Variants in CDH4 observed in about 807,000 individuals in gnomAD.
CDH4 encodes the protein cadherin 4, also known as cadherin-4.
CDH4 carries 33 observed loss-of-function variants against 86.0 expected under a neutral mutation model. The observed-to-expected ratio is 0.38, with a 90% confidence interval of 0.29 to 0.51. CDH4 has a LOEUF of 0.51. Ranked by LOEUF, CDH4 falls within the 20% of genes least tolerant of loss-of-function variation. The pLI, the probability that CDH4 is intolerant of heterozygous loss-of-function variation, is 0.86. For missense variants in CDH4, 1,114 were observed against 1,307.4 expected (o/e 0.85, Z 2.28); for synonymous variants, 555 against 549.4 (o/e 1.01, Z -0.14).
intron 2 of CDH4, among the ~76,000 whole-genome samples, chr20:61,520,460 C>T (rs2085860335): frequency 6.6e-6 from 1 of 152,168 alleles, no homozygotes; most frequent in Admixed American, 6.5e-5. Context: ...AGAGATAACC[C>T]CGATGCCTTC....
At chr20:61,934,639 T>A (rs4925317) in intron 15 of CDH4, among the ~76,000 whole-genome samples, 4 of 152,052 alleles carry the variant, frequency 2.6e-5, no homozygotes, top group Non-Finnish European at 5.9e-5. Flanking sequence ...CCGCTGTGAA[T>A]GGCCTTCCCG....
At chr20:61,549,570 C>T (rs900685689) in intron 2 of CDH4, among the ~76,000 whole-genome samples, 12 of 152,316 alleles carry the variant, frequency 7.9e-5, no homozygotes, top group East Asian at 1.9e-4. Context: ...AGATGCTCCT[C>T]GTGTGTTCCG....
At chr20:61,363,488 A>G (rs2084795450) in intron 2 of CDH4, among the ~76,000 whole-genome samples, 1 of 150,666 alleles carries the variant, frequency 6.6e-6, no homozygotes, top group Non-Finnish European at 1.5e-5. Flanking sequence ...AAGAAGTCCT[A>G]CACACACACA....
intron 2 of CDH4, among the ~76,000 whole-genome samples, chr20:61,339,300 G>A (rs543816902): frequency 1.3e-5 from 2 of 152,264 alleles, no homozygotes; most frequent in African/African-American, 4.8e-5. Flanking sequence ...AAGACAATGA[G>A]CAAACAGGTC....
chr20:61,789,199 A>T (rs904608232), intron 4 of CDH4, among the ~76,000 whole-genome samples: 2 of 152,200 alleles, frequency 1.3e-5, no homozygotes, highest in Admixed American at 6.5e-5. Context: ...GAGATGGCCT[A>T]CGGATGCATC....
At chr20:61,545,342 A>G (rs2086069974) in intron 2 of CDH4, among the ~76,000 whole-genome samples, 1 of 152,212 alleles carries the variant, frequency 6.6e-6, no homozygotes. Flanking sequence ...TTAACATTTC[A>G]CAATTCTGCC....
chr20:61,933,235 A>G, intron 14 of CDH4, 111 bp downstream of exon 14: 1 of 1,375,384 alleles, frequency 7.3e-7, no homozygotes, highest in South Asian at 1.3e-5. Context: ...CAACCTTTTC[A>G]CCAGTGAAGG....
chr20:61,573,787 C>A (rs1171718757), intron 2 of CDH4, among the ~76,000 whole-genome samples: 1 of 152,212 alleles, frequency 6.6e-6, no homozygotes, highest in Non-Finnish European at 1.5e-5. Flanking sequence ...ATGGCAGCTA[C>A]GGCTGTGTAT....
chr20:61,457,049 T>G (rs2085410558), intron 2 of CDH4, among the ~76,000 whole-genome samples: 1 of 152,176 alleles, frequency 6.6e-6, no homozygotes, highest in Non-Finnish European at 1.5e-5. Context: ...AGCGTGAATT[T>G]TCCTTAAAAG....
chr20:61,488,376 C>T (rs760789073), intron 2 of CDH4, among the ~76,000 whole-genome samples: 33 of 152,148 alleles, frequency 2.2e-4, no homozygotes, highest in Non-Finnish European at 4.3e-4. Context: ...ATTTGTTCAG[C>T]GCCTCTGTAA....
intron 2 of CDH4, among the ~76,000 whole-genome samples, chr20:61,263,695 A>G (rs556344764): frequency 6.6e-6 from 1 of 152,272 alleles, no homozygotes; most frequent in East Asian, 1.9e-4. Context: ...AAACAACACA[A>G]AGTTATTATC....
At chr20:61,898,184 G>A (rs953286199) in intron 8 of CDH4, among the ~76,000 whole-genome samples, 1 of 152,240 alleles carries the variant, frequency 6.6e-6, no homozygotes, top group Non-Finnish European at 1.5e-5. Flanking sequence ...GGGGCCAGCA[G>A]GATGGCGAAG....
intron 2 of CDH4, among the ~76,000 whole-genome samples, chr20:61,378,885 G>A (rs1314625554): frequency 6.6e-6 from 1 of 152,152 alleles, no homozygotes; most frequent in East Asian, 1.9e-4. Flanking sequence ...TTAACTGTAG[G>A]ATGATGTCAT....
chr20:61,396,135 A>G (rs77806907), intron 2 of CDH4, among the ~76,000 whole-genome samples: 6,916 of 152,268 alleles, frequency 0.045, 234 homozygotes, highest in Non-Finnish European at 0.067. Flanking sequence ...AGCGTCGAGT[A>G]GTTGCTGCAG....
chr20:61,633,349 TCATC>T (rs2086914082), intron 2 of CDH4, among the ~76,000 whole-genome samples: 1 of 151,548 alleles, frequency 6.6e-6, no homozygotes, highest in Admixed American at 6.6e-5. Flanking sequence ...CTTCATTCAT[TCATC>T]CATCCATCTA....
intron 2 of CDH4, among the ~76,000 whole-genome samples, chr20:61,728,078 A>G (rs2088136427): frequency 6.6e-6 from 1 of 152,220 alleles, no homozygotes. Context: ...AGATTTAGCC[A>G]GGGCCTGAGC....
At chr20:61,776,265 TGGCTGAGAGAGCAGCC>T (rs2088842279) in intron 4 of CDH4, among the ~76,000 whole-genome samples, 1 of 152,210 alleles carries the variant, frequency 6.6e-6, no homozygotes. Context: ...TTGGAAAGTG[TGGCTGAGAGAGCAGCC>T]GGCACCGGGA....
chr20:61,726,458 G>A (rs998456139), intron 2 of CDH4, among the ~76,000 whole-genome samples: 1 of 152,160 alleles, frequency 6.6e-6, no homozygotes, highest in East Asian at 1.9e-4. Flanking sequence ...GTAAAATGGG[G>A]TGATAGTAGT....
At chr20:61,583,445 G>A (rs2086446993) in intron 2 of CDH4, among the ~76,000 whole-genome samples, 1 of 152,086 alleles carries the variant, frequency 6.6e-6, no homozygotes, top group Non-Finnish European at 1.5e-5. Context: ...GGAGACGGGG[G>A]TTGTCACACA....
Sources: gnomAD v4.1 joint callset for allele counts (sites outside exome capture counted in the v4.1 genomes callset) on GRCh38, gnomAD v4.1.1 for gene constraint, MANE v1.5 for transcripts, NCBI Gene and HGNC (gene_info 2026-07-23, HGNC 2026-07-21) for gene names.